Variants in NALCN observed in about 807,000 individuals in gnomAD.
NALCN encodes sodium leak channel, non-selective, also known as sodium leak channel NALCN.
In NALCN, 111 loss-of-function variants were observed where a neutral mutation model predicts 225.3. That is an observed-to-expected ratio of 0.49 (90% CI 0.42 to 0.58). NALCN has a LOEUF of 0.58. Among genes scored for constraint, NALCN ranks in the 20% least tolerant of loss-of-function variants. NALCN has a pLI of 0.00. For synonymous variants in NALCN, 764 were observed against 769.0 expected (o/e 0.99, Z 0.11); for missense variants, 1,378 against 2,202.4 (o/e 0.63, Z 7.49).
intron 6 of NALCN, among the ~76,000 whole-genome samples, chr13:101,375,018 T>G (rs940401336): frequency 1.3e-5 from 2 of 152,198 alleles, no homozygotes; most frequent in African/African-American, 4.8e-5. Context: ...AGTTACTTTG[T>G]CAGTAAAATA....
intron 30 of NALCN, among the ~76,000 whole-genome samples, chr13:101,084,719 T>G (rs1299397420): frequency 1.3e-5 from 2 of 152,202 alleles, no homozygotes; most frequent in Non-Finnish European, 2.9e-5. Context: ...ATATCCGAAG[T>G]TATTCATTTT....
chr13:101,325,332 G>A (rs193150070), intron 7 of NALCN, among the ~76,000 whole-genome samples: 4 of 152,326 alleles, frequency 2.6e-5, no homozygotes, highest in South Asian at 4.1e-4. Context: ...TGGCCTAGGT[G>A]AAAGTACCCC....
chr13:101,108,704 C>T (rs926910085), intron 20 of NALCN, among the ~76,000 whole-genome samples: 4 of 152,134 alleles, frequency 2.6e-5, no homozygotes, highest in African/African-American at 9.7e-5. Flanking sequence ...GAGAGGTGAG[C>T]AGGCCATGCA....
rs2042762647 is a variant in NALCN at position 101,271,133 on chromosome 13, G to A, written c.1135-12559C>T. Among the ~76,000 whole-genome samples the A allele has an allele frequency of 2.6e-5, 4 of 152,252 alleles. No individual in the cohort carries two copies. In the South Asian group the frequency reaches 8.3e-4, roughly 32 times the overall value. On this transcript the variant is annotated intron_variant, in intron 10 of 43. Transcript: ENST00000251127. The stretch of plus-strand genomic sequence containing the variant: ...TAAAATGTTCTGCATATTTCTTCCA[G>A]TGAGGTTTAAAAATCAAAGAAGCAA...
At chr13:101,391,819 C>T (rs2047154135) in intron 3 of NALCN, among the ~76,000 whole-genome samples, 1 of 137,524 alleles carries the variant, frequency 7.3e-6, no homozygotes. Context: ...CGCATCTCTA[C>T]TAAACACACA....
intron 14 of NALCN, among the ~76,000 whole-genome samples, chr13:101,185,552 A>G (rs935627348): frequency 6.6e-6 from 1 of 152,252 alleles, no homozygotes; most frequent in African/African-American, 2.4e-5. Flanking sequence ...GAATTTAACA[A>G]GCATTCAATA....
At chr13:101,383,358 A>T (rs2046901112) in intron 3 of NALCN, among the ~76,000 whole-genome samples, 1 of 152,074 alleles carries the variant, frequency 6.6e-6, no homozygotes, top group Non-Finnish European at 1.5e-5. Flanking sequence ...GTGAAGTTTG[A>T]GTTTCCTACT....
At position 101,124,599 on chromosome 13, in the gene NALCN, T is replaced by C. The variant is rs768926991; in HGVS notation, c.2192+9A>G. 1 of 1,609,204 alleles carries C rather than the reference T, an allele frequency of 6.2e-7. No individual in the cohort carries two copies. Among genetic ancestry groups the C allele is most frequent in the Non-Finnish European group, 8.5e-7 (1 of 1,177,230 alleles). The stretch of plus-strand genomic sequence containing the variant: ...TGTTTAAATATGTGTCAACATTAAT[T>C]GGTGTTACCTTAAGATTTTAGTGAC... On this transcript the variant is annotated intron_variant, in intron 18 of 43. Transcript: ENST00000251127.
At chr13:101,078,923 G>GTCTC (rs1246076476) in intron 34 of NALCN, among the ~76,000 whole-genome samples, 4 of 152,190 alleles carry the variant, frequency 2.6e-5, no homozygotes, top group African/African-American at 9.6e-5. Context: ...ATTAAGGGAG[G>GTCTC]CAGTTTCCCC....
At chr13:101,103,039 A>T in intron 26 of NALCN, 133 bp downstream of exon 26, 1 of 1,025,256 alleles carries the variant, frequency 9.8e-7, no homozygotes, top group Non-Finnish European at 1.4e-6. Flanking sequence ...GTGTTTTGTT[A>T]GTGCCTCCAT....
In NALCN at chr13:101,149,271, G is replaced by T. The variant is rs886699719; in HGVS notation, c.1840-4375C>A. On this transcript the variant is annotated intron_variant, in intron 15 of 43. Coordinates refer to ENST00000251127, the MANE Select transcript of NALCN (RefSeq NM_052867.4). ...TTGTGCCACTGCACTCCAGCCTGGGGGACACAGCGAGACTGTCTCAAAAAA... is the reference window on the plus strand; with the variant it reads ...TTGTGCCACTGCACTCCAGCCTGGGTGACACAGCGAGACTGTCTCAAAAAA... Among the ~76,000 whole-genome samples, 4 of 142,488 alleles carry T rather than the reference G, an allele frequency of 2.8e-5. No homozygotes were observed. The East Asian group carries it at 6.5e-4, about 23-fold the overall frequency. 93.5% of individuals were successfully genotyped at this position (142,488 alleles called of 152,430 possible).
intron 6 of NALCN, among the ~76,000 whole-genome samples, chr13:101,346,093 A>ATATATATATT (rs1566600366): frequency 2.3e-5 from 2 of 87,498 alleles, no homozygotes; most frequent in Non-Finnish European, 5.0e-5. Context: ...CTCTCTATAT[A>ATATATATATT]TATATATATA....
chr13:101,240,813 T>C (rs1208805273), intron 11 of NALCN, among the ~76,000 whole-genome samples: 1 of 152,174 alleles, frequency 6.6e-6, no homozygotes, highest in Non-Finnish European at 1.5e-5. Flanking sequence ...GGCAATGAAA[T>C]ATAACACAAA....
intron 7 of NALCN, among the ~76,000 whole-genome samples, chr13:101,313,688 C>T (rs936240753): frequency 2.6e-5 from 4 of 152,194 alleles, no homozygotes; most frequent in East Asian, 1.9e-4. Flanking sequence ...TGTGGAGAAA[C>T]AGGAACACTT....
chr13:101,208,675 A>C (rs767204576), intron 13 of NALCN, among the ~76,000 whole-genome samples: 3 of 152,108 alleles, frequency 2.0e-5, no homozygotes, highest in African/African-American at 4.8e-5. Context: ...CTGTCTCACA[A>C]ATGGCTTGGT....
chr13:101,310,556 C>T lies in NALCN; in HGVS notation c.800-18190G>A, dbSNP rs560051432. Among the ~76,000 whole-genome samples, 97 of 152,218 alleles carry T rather than the reference C, an allele frequency of 6.4e-4. 2 individuals carry two copies. Among genetic ancestry groups the T allele is most frequent in the African/African-American group, 2.3e-3 (95 of 41,560 alleles). On this transcript the variant is annotated intron_variant, in intron 7 of 43. Transcript: ENST00000251127. ...ACTGCAATTCCTGCTCACACCTTCC[C>T]CTCTCTTTGTCTGCTTTCCTTTTCT...
At chr13:101,415,835 C>T (rs938687826) in intron 1 of NALCN, among the ~76,000 whole-genome samples, 2 of 148,908 alleles carry the variant, frequency 1.3e-5, no homozygotes, top group Non-Finnish European at 2.9e-5. Context: ...CGCGTTGGCC[C>T]AGAGGTTTAC....
chr13:101,334,322 AC>A (rs140889826), intron 7 of NALCN, among the ~76,000 whole-genome samples: 5,238 of 142,736 alleles, frequency 0.037, 345 homozygotes, highest in African/African-American at 0.13. Flanking sequence ...GGGGAAACTT[AC>A]CTGAGTAGGT....
At chr13:101,118,775 G>C (rs1287271312) in intron 18 of NALCN, among the ~76,000 whole-genome samples, 3 of 152,080 alleles carry the variant, frequency 2.0e-5, no homozygotes, top group African/African-American at 7.2e-5. Context: ...GCTATCTCAG[G>C]GGTTGGCACA....
Sources: allele counts gnomAD v4.1 joint callset (sites outside exome capture counted in the v4.1 genomes callset), GRCh38; gene constraint gnomAD v4.1.1; transcripts MANE v1.5; gene names NCBI Gene and HGNC (gene_info 2026-07-23, HGNC 2026-07-21).